Variants in PEX5L observed in about 807,000 individuals in gnomAD.
The protein encoded by PEX5L is PEX5-related protein.
In PEX5L, 30 loss-of-function variants were observed where a neutral mutation model predicts 84.0. That is an observed-to-expected ratio of 0.36 (90% confidence interval 0.27 to 0.48). The LOEUF (loss-of-function observed/expected upper bound fraction) is 0.48. PEX5L is among the 20% of genes least tolerant of loss of function. The probability of loss-of-function intolerance (pLI) is 0.99; values close to 1 mark genes in which losing one functional copy is unlikely to be tolerated. For synonymous variants in PEX5L, 270 were observed against 283.1 expected (o/e 0.95, Z 0.46); for missense variants, 533 against 754.6 (o/e 0.71, Z 3.44).
At chr3:179,990,750 G>A (rs1315218935) in intron 1 of PEX5L, among the ~76,000 whole-genome samples, 2 of 152,000 alleles carry the variant, frequency 1.3e-5, no homozygotes, top group African/African-American at 4.8e-5. Flanking sequence ...AATTCCTTGA[G>A]TGCTTACCTT....
intron 2 of PEX5L, among the ~76,000 whole-genome samples, chr3:179,905,506 G>C (rs1157831318): frequency 1.3e-5 from 2 of 152,028 alleles, no homozygotes; most frequent in Admixed American, 6.6e-5. Flanking sequence ...TGATCCGCCC[G>C]CCTCGACCTC....
At chr3:179,860,743 T>C (rs9862706) in intron 7 of PEX5L, among the ~76,000 whole-genome samples, 140,828 of 152,314 alleles carry the variant, frequency 0.92, 65,230 homozygotes, top group African/African-American at 0.98. Context: ...TTATTTTGCT[T>C]TTTTGGAGAC....
chr3:179,992,674 T>C (rs1423608234), intron 1 of PEX5L, among the ~76,000 whole-genome samples: 4 of 152,160 alleles, frequency 2.6e-5, no homozygotes, highest in Non-Finnish European at 5.9e-5. Flanking sequence ...ATTTGTGGAA[T>C]AAATAAAATT....
intron 1 of PEX5L, among the ~76,000 whole-genome samples, chr3:180,007,452 T>G (rs1247897614): frequency 1.3e-5 from 2 of 152,156 alleles, no homozygotes; most frequent in African/African-American, 2.4e-5. Flanking sequence ...GATCTACCAT[T>G]CTGGAGTCTG....
chr3:179,840,183 G>GTTTTTTT (rs71182521), intron 8 of PEX5L, among the ~76,000 whole-genome samples: 8 of 78,714 alleles, frequency 1.0e-4, no homozygotes, highest in East Asian at 4.6e-4. Flanking sequence ...GTGTGTGTGT[G>GTTTTTTT]TTTTTTTTTT....
At chr3:179,809,267 C>A (rs1722770230) in intron 12 of PEX5L, among the ~76,000 whole-genome samples, 2 of 151,960 alleles carry the variant, frequency 1.3e-5, no homozygotes, top group Admixed American at 1.3e-4. Flanking sequence ...TGTGAGTGCC[C>A]ACAATGTAGA....
chr3:179,874,578 T>C (rs1206476261), intron 6 of PEX5L, among the ~76,000 whole-genome samples, 155 bp from the exon 7 acceptor site: 2 of 152,144 alleles, frequency 1.3e-5, no homozygotes, highest in Non-Finnish European at 2.9e-5. Flanking sequence ...TGTATTTCTA[T>C]TATAATGGTC....
intron 3 of PEX5L, among the ~76,000 whole-genome samples, chr3:179,890,691 A>AC (rs1560563397): frequency 6.6e-6 from 1 of 152,208 alleles, no homozygotes; most frequent in Non-Finnish European, 1.5e-5. Context: ...AAACAAACAA[A>AC]AAAAACTAAG....
chr3:179,881,640 T>C (rs1300722703), intron 4 of PEX5L: 2 of 152,246 alleles, frequency 1.3e-5, no homozygotes, highest in African/African-American at 2.4e-5. Flanking sequence ...ATCCTTTTTG[T>C]TGTTGTTGTT....
At chr3:179,819,498 C>T (rs1339323489) in intron 9 of PEX5L, among the ~76,000 whole-genome samples, 1 of 152,170 alleles carries the variant, frequency 6.6e-6, no homozygotes, top group African/African-American at 2.4e-5. Context: ...GGTAAATCAA[C>T]AGCACTCACA....
intron 1 of PEX5L, among the ~76,000 whole-genome samples, chr3:179,993,096 G>A (rs1262071079): frequency 6.6e-6 from 1 of 151,848 alleles, no homozygotes; most frequent in Non-Finnish European, 1.5e-5. Context: ...AGAAAAAGAA[G>A]GAAAGAAAGA....
chr3:179,963,426 C>T (rs558718626), intron 2 of PEX5L, among the ~76,000 whole-genome samples: 6 of 152,194 alleles, frequency 3.9e-5, no homozygotes, highest in Admixed American at 3.9e-4. Context: ...ATAAGGCCAG[C>T]GTCAATGATA....
At chr3:180,002,832 C>G (rs1788546112) in intron 1 of PEX5L, among the ~76,000 whole-genome samples, 1 of 152,040 alleles carries the variant, frequency 6.6e-6, no homozygotes, top group Non-Finnish European at 1.5e-5. Context: ...TAAACCTCTT[C>G]CTTGCAGAAA....
chr3:179,957,745 G>A (rs1780943768), intron 2 of PEX5L, among the ~76,000 whole-genome samples: 1 of 152,180 alleles, frequency 6.6e-6, no homozygotes, highest in Non-Finnish European at 1.5e-5. Context: ...CTAATGCAAA[G>A]TAAGGATTTA....
rs1446067398 is a variant in PEX5L at position 179,797,243 on chromosome 3, C to T, written c.*4585G>A. On this transcript the variant is annotated 3_prime_UTR_variant, in exon 15 of 15. Transcript: ENST00000467460. ...CAGAGGATTAGTTTGGCACTGGTAA[C>T]ACTGTAGAAACCAGATGTGTGAATA... is the stretch of plus-strand genomic sequence containing the variant. 6.6e-6 allele frequency: 1 copy of T among 152,092 alleles called. No homozygotes were observed. Among genetic ancestry groups the T allele is most frequent in the African/African-American group, 2.4e-5 (1 of 41,414 alleles). The allele number at this position is 152,092 out of a possible 1,614,324, so 9.4% of individuals were successfully genotyped here.
chr3:179,818,248 G>T (rs1726932778), intron 9 of PEX5L, among the ~76,000 whole-genome samples: 1 of 151,650 alleles, frequency 6.6e-6, no homozygotes, highest in African/African-American at 2.4e-5. Flanking sequence ...TCTATATATA[G>T]TTTTTCTTTT....
intron 7 of PEX5L, among the ~76,000 whole-genome samples, chr3:179,865,033 G>A (rs576545706): frequency 4.6e-5 from 7 of 152,140 alleles, no homozygotes; most frequent in South Asian, 4.1e-4. Context: ...TCTTCCCTTC[G>A]TCAGTGTTTC....
chr3:179,916,327 A>C (rs1041914832), intron 2 of PEX5L, among the ~76,000 whole-genome samples: 1 of 152,218 alleles, frequency 6.6e-6, no homozygotes, highest in Non-Finnish European at 1.5e-5. Context: ...ATAGCACGTA[A>C]CTGTACTGAA....
At chr3:179,986,465 C>T (rs901088206) in intron 1 of PEX5L, among the ~76,000 whole-genome samples, 17 of 143,508 alleles carry the variant, frequency 1.2e-4, no homozygotes, top group Admixed American at 2.1e-4. Flanking sequence ...TGCAGTGGCG[C>T]GATCTCGGCT....
Sources: gnomAD v4.1 joint callset for allele counts (sites outside exome capture counted in the v4.1 genomes callset) on GRCh38, gnomAD v4.1.1 for gene constraint, MANE v1.5 for transcripts, NCBI Gene and HGNC (gene_info 2026-07-23, HGNC 2026-07-21) for gene names.